ZRANB3: variants seen among roughly 807,000 people sequenced by gnomAD.
ZRANB3 encodes zinc finger RANBP2-type containing 3, also known as DNA annealing helicase and endonuclease ZRANB3.
In ZRANB3, 125 loss-of-function variants were observed where a neutral mutation model predicts 133.8. The ratio of observed to expected loss-of-function variants is 0.93; its 90% CI spans 0.81 to 1.08. ZRANB3 has a LOEUF of 1.08. Ranked by LOEUF, ZRANB3 falls within the 50% of genes least tolerant of loss-of-function variation. The pLI, the probability that ZRANB3 is intolerant of heterozygous loss-of-function variation, is 0.00. For synonymous variants in ZRANB3, 387 were observed against 432.7 expected (o/e 0.89, Z 1.31); for missense variants, 1,229 against 1,275.5 (o/e 0.96, Z 0.56).
chr2:135,498,526 CA>C (rs1574208085), intron 2 of ZRANB3, among the ~76,000 whole-genome samples: 1 of 152,068 alleles, frequency 6.6e-6, no homozygotes. Context: ...GTTAACTGCA[CA>C]AATTGTTTAA....
At position 135,227,520 on chromosome 2, in the gene ZRANB3, C is replaced by T. The variant is rs539947858; in HGVS notation, c.2158+292G>A. Among the ~76,000 whole-genome samples, 282 of 152,198 alleles carry T rather than the reference C, an allele frequency of 1.9e-3. 3 individuals are homozygous for T. The highest frequency in any genetic ancestry group is 6.5e-3 in the African/African-American group (271 of 41,518). On this transcript the variant is annotated intron_variant, in intron 14 of 20. Coordinates refer to ENST00000264159, the MANE Select transcript of ZRANB3 (RefSeq NM_032143.4). ...CACCTCCCAAATATCAAAACAACAC[C>T]CTTACTGTGTGAATGAGCTAGGCTT...
intron 8 of ZRANB3, among the ~76,000 whole-genome samples, chr2:135,282,161 CTTAT>C (rs1681126820): frequency 6.6e-6 from 1 of 151,996 alleles, no homozygotes; most frequent in African/African-American, 2.4e-5. Context: ...TCCTTAATAA[CTTAT>C]TTATTTTGTG....
intron 3 of ZRANB3, among the ~76,000 whole-genome samples, chr2:135,384,950 T>G (rs1040584292): frequency 2.6e-5 from 4 of 152,110 alleles, no homozygotes; most frequent in East Asian, 1.9e-4. Context: ...CGGATGCACT[T>G]TCTCACCACT....
intron 6 of ZRANB3, among the ~76,000 whole-genome samples, chr2:135,332,529 G>T (rs1360226454): frequency 6.6e-6 from 1 of 151,860 alleles, no homozygotes; most frequent in African/African-American, 2.4e-5. Context: ...TCATTATTCT[G>T]GTCACCCTTT....
chr2:135,400,098 A>G (rs941831724), intron 2 of ZRANB3, among the ~76,000 whole-genome samples: 3 of 151,894 alleles, frequency 2.0e-5, no homozygotes, highest in Non-Finnish European at 4.4e-5. Context: ...AAATTAGCCG[A>G]GCGTGGAAGC....
intron 6 of ZRANB3, among the ~76,000 whole-genome samples, chr2:135,332,249 A>G (rs1263587487): frequency 6.6e-6 from 1 of 151,952 alleles, no homozygotes; most frequent in African/African-American, 2.4e-5. Context: ...GCCAAAATCT[A>G]CCTCCCTATT....
chr2:135,217,077 C>T (rs1694341607), intron 17 of ZRANB3, among the ~76,000 whole-genome samples: 1 of 152,200 alleles, frequency 6.6e-6, no homozygotes, highest in African/African-American at 2.4e-5. Context: ...TGCTGCACAG[C>T]ATCATACTCA....
chr2:135,438,086 T>C (rs550495195), intron 2 of ZRANB3, among the ~76,000 whole-genome samples: 2 of 152,324 alleles, frequency 1.3e-5, no homozygotes, highest in Non-Finnish European at 2.9e-5. Context: ...CCAATTTTCC[T>C]GGGCCTCCAG....
intron 2 of ZRANB3, among the ~76,000 whole-genome samples, chr2:135,495,607 G>C: frequency 6.6e-6 from 1 of 152,104 alleles, no homozygotes; most frequent in East Asian, 1.9e-4. Flanking sequence ...ATACATAAAA[G>C]TTATTCTCTA....
At chr2:135,357,904 T>G (rs1573969763) in intron 3 of ZRANB3, among the ~76,000 whole-genome samples, 1 of 152,200 alleles carries the variant, frequency 6.6e-6, no homozygotes, top group South Asian at 2.1e-4. Context: ...TTAGGTTAAG[T>G]TTTCTTAGGG....
chr2:135,301,593 A>G (rs928443907), intron 8 of ZRANB3, among the ~76,000 whole-genome samples: 7 of 152,180 alleles, frequency 4.6e-5, no homozygotes, highest in Non-Finnish European at 1.0e-4. Flanking sequence ...GGTTCCCTGA[A>G]TATGTCTTTC....
At chr2:135,407,506 C>T (rs1688095946) in intron 2 of ZRANB3, among the ~76,000 whole-genome samples, 1 of 145,598 alleles carries the variant, frequency 6.9e-6, no homozygotes, top group Admixed American at 6.7e-5. Context: ...AAAGAGCCCG[C>T]ATCGCCAAGT....
At chr2:135,387,559 T>C (rs180949912) in intron 3 of ZRANB3, among the ~76,000 whole-genome samples, 46 of 152,348 alleles carry the variant, frequency 3.0e-4, no homozygotes, top group Admixed American at 2.7e-3. Context: ...TTTATTTCTA[T>C]GGCCTGATTC....
chr2:135,483,802 G>T (rs1484376903), intron 2 of ZRANB3, among the ~76,000 whole-genome samples: 1 of 152,150 alleles, frequency 6.6e-6, no homozygotes, highest in African/African-American at 2.4e-5. Flanking sequence ...AGAGATTCTG[G>T]TGTGTTGTGT....
At chr2:135,364,584 C>T (rs1685839445) in intron 3 of ZRANB3, among the ~76,000 whole-genome samples, 1 of 151,778 alleles carries the variant, frequency 6.6e-6, no homozygotes, top group South Asian at 2.1e-4. Context: ...CCCACCTTTA[C>T]TAAAAATACA....
intron 17 of ZRANB3, among the ~76,000 whole-genome samples, chr2:135,213,942 G>A (rs1447644411): frequency 1.3e-5 from 2 of 152,118 alleles, no homozygotes; most frequent in East Asian, 3.8e-4. Flanking sequence ...CCATGTGCTA[G>A]GACCACAGAG....
intron 3 of ZRANB3, among the ~76,000 whole-genome samples, chr2:135,382,690 A>G (rs963357917): frequency 2.4e-4 from 37 of 151,180 alleles, no homozygotes; most frequent in African/African-American, 8.9e-4. Flanking sequence ...AATATTCAAC[A>G]TTCCTAAAGA....
intron 12 of ZRANB3, among the ~76,000 whole-genome samples, chr2:135,256,019 A>G (rs1679637948): frequency 6.7e-6 from 1 of 150,328 alleles, no homozygotes; most frequent in Non-Finnish European, 1.5e-5. Flanking sequence ...GGCTCAGGTG[A>G]TCCTCTCACC....
At chr2:135,501,350 T>C (rs967735683) in intron 2 of ZRANB3, among the ~76,000 whole-genome samples, 1 of 152,152 alleles carries the variant, frequency 6.6e-6, no homozygotes, top group African/African-American at 2.4e-5. Context: ...TTTCTGAACA[T>C]AAGTCCTTCC....
Sources: allele counts gnomAD v4.1 joint callset (sites outside exome capture counted in the v4.1 genomes callset), GRCh38; gene constraint gnomAD v4.1.1; transcripts MANE v1.5; gene names NCBI Gene and HGNC (gene_info 2026-07-23, HGNC 2026-07-21).